The following TTC29 variants were observed in gnomAD, a reference collection of about 807,000 sequenced individuals.
TTC29 encodes tetratricopeptide repeat protein 29.
In TTC29, 49 loss-of-function variants were observed where a neutral mutation model predicts 58.1. That is an observed-to-expected ratio of 0.84 (90% CI 0.67 to 1.07). TTC29 has a LOEUF of 1.07. TTC29 is among the 50% of genes least tolerant of loss of function. The pLI is 0.00. For synonymous variants in TTC29, 209 were observed against 196.8 expected, an observed-to-expected ratio of 1.06 and a Z score of -0.52; for missense variants, 582 against 555.6, an observed-to-expected ratio of 1.05 and a Z score of -0.48.
chr4:146,791,525 C>T (rs1749448826), intron 11 of TTC29, among the ~76,000 whole-genome samples: 1 of 152,144 alleles, frequency 6.6e-6, no homozygotes, highest in Admixed American at 6.6e-5. Flanking sequence ...ATTCCCCTGT[C>T]TCTCCCCCTC....
chr4:146,763,261 T>C (rs17021910), intron 11 of TTC29, among the ~76,000 whole-genome samples: 59,865 of 151,896 alleles, frequency 0.39, 12,485 homozygotes, highest in African/African-American at 0.5. Flanking sequence ...AAGAGATAAG[T>C]CTTTTCATTA....
intron 11 of TTC29, among the ~76,000 whole-genome samples, chr4:146,764,750 T>C (rs1462852584): frequency 6.6e-6 from 1 of 152,112 alleles, no homozygotes; most frequent in Non-Finnish European, 1.5e-5. Flanking sequence ...TTTAACAATG[T>C]TGAGTAAAGC....
At position 146,878,624 on chromosome 4, in the gene TTC29, G is replaced by A. The variant is rs375959912; in HGVS notation, c.587-3696C>T. Among the ~76,000 whole-genome samples the A allele has an allele frequency of 7.2e-5, 11 of 152,184 alleles. No individual in the cohort carries two copies. The South Asian group carries it at 1.7e-3, about 23-fold the overall frequency. On this transcript the variant is annotated intron_variant, in intron 6 of 12. Coordinates refer to ENST00000325106, the MANE Select transcript of TTC29 (RefSeq NM_031956.4). ...CACATCAGATACTAGTCAACAGATC[G>A]AGAGCCAGGAAACTTAGGTGGAGTG...
At chr4:146,813,750 G>A (rs183747073) in intron 10 of TTC29, among the ~76,000 whole-genome samples, 50 of 152,276 alleles carry the variant, frequency 3.3e-4, no homozygotes, top group Non-Finnish European at 5.1e-4. Flanking sequence ...TTGGGAGGCC[G>A]AGGAGGGAGG....
At chr4:146,820,729 A>G (rs887877041) in intron 9 of TTC29, among the ~76,000 whole-genome samples, 2 of 152,218 alleles carry the variant, frequency 1.3e-5, no homozygotes, top group African/African-American at 4.8e-5. Context: ...AATATTATTC[A>G]GTCTTAAAAA....
intron 6 of TTC29, among the ~76,000 whole-genome samples, chr4:146,893,865 T>C (rs1316371185): frequency 5.3e-5 from 8 of 151,944 alleles, no homozygotes; most frequent in African/African-American, 1.5e-4. Context: ...AAAAAGTGGG[T>C]GAAGGATATG....
At chr4:146,724,527 T>A (rs538097827) in intron 11 of TTC29, among the ~76,000 whole-genome samples, 3 of 152,202 alleles carry the variant, frequency 2.0e-5, no homozygotes, top group African/African-American at 4.8e-5. Context: ...TCAACTTCTT[T>A]TTTTTTTATT....
chr4:146,838,487 C>A (rs76431563), intron 8 of TTC29, among the ~76,000 whole-genome samples: 9,870 of 151,820 alleles, frequency 0.065, 421 homozygotes, highest in Admixed American at 0.13. Context: ...AATTTATAAG[C>A]ATAAATTTTG....
intron 11 of TTC29, among the ~76,000 whole-genome samples, chr4:146,777,862 G>A (rs1363762529): frequency 1.3e-5 from 2 of 152,206 alleles, no homozygotes; most frequent in African/African-American, 4.8e-5. Flanking sequence ...GTCTCCCAGG[G>A]TTTTGCCTTG....
intron 6 of TTC29, among the ~76,000 whole-genome samples, chr4:146,902,939 C>T (rs990980576): frequency 1.3e-5 from 2 of 151,964 alleles, no homozygotes; most frequent in Non-Finnish European, 2.9e-5. Context: ...TTTCATCTTT[C>T]CCTATATTTT....
intron 6 of TTC29, among the ~76,000 whole-genome samples, chr4:146,900,840 T>C (rs1399488653): frequency 6.6e-6 from 1 of 152,044 alleles, no homozygotes; most frequent in African/African-American, 2.4e-5. Context: ...TTATGTTATG[T>C]TTTTCACCAC....
chr4:146,884,350 GT>G (rs1399769294), intron 6 of TTC29, among the ~76,000 whole-genome samples: 1 of 152,064 alleles, frequency 6.6e-6, no homozygotes, highest in Admixed American at 6.6e-5. Context: ...GAAAAATGAA[GT>G]GTGCATATAG....
chr4:146,867,449 T>C, intron 8 of TTC29, 49 bp downstream of exon 8: 1 of 913,336 alleles, frequency 1.1e-6, no homozygotes, highest in Non-Finnish European at 1.6e-6. Context: ...ATAAAATAAA[T>C]ATACTAAAAT....
chr4:146,811,143 T>A (rs963454129), intron 10 of TTC29, among the ~76,000 whole-genome samples: 2 of 152,204 alleles, frequency 1.3e-5, no homozygotes, highest in South Asian at 4.1e-4. Flanking sequence ...TTTGTTGTTG[T>A]TGTTGTTTGT....
chr4:146,716,364 C>A (rs1342613597), intron 11 of TTC29, among the ~76,000 whole-genome samples: 1 of 151,974 alleles, frequency 6.6e-6, no homozygotes, highest in Non-Finnish European at 1.5e-5. Context: ...GCTCTGTATT[C>A]ATGTTCTTTT....
chr4:146,789,452 G>A (rs1375860236), intron 11 of TTC29, among the ~76,000 whole-genome samples: 4 of 152,096 alleles, frequency 2.6e-5, no homozygotes, highest in East Asian at 1.9e-4. Context: ...TCATCATTTC[G>A]ATGCAAGTGG....
chr4:146,902,943 A>G (rs1459383982), intron 6 of TTC29, among the ~76,000 whole-genome samples: 1 of 152,064 alleles, frequency 6.6e-6, no homozygotes, highest in Non-Finnish European at 1.5e-5. Context: ...ATCTTTCCCT[A>G]TATTTTCTTT....
At chr4:146,727,766 T>A (rs952671816) in intron 11 of TTC29, among the ~76,000 whole-genome samples, 2 of 152,210 alleles carry the variant, frequency 1.3e-5, no homozygotes, top group African/African-American at 2.4e-5. Context: ...TTTGGTTGCT[T>A]CCAAGTTTTG....
intron 11 of TTC29, among the ~76,000 whole-genome samples, chr4:146,713,744 G>A (rs1048123703): frequency 1.9e-4 from 29 of 151,782 alleles, no homozygotes; most frequent in Non-Finnish European, 1.5e-5. Flanking sequence ...AAAAGTATAG[G>A]GTTTTTTTTA....
Sources: gnomAD v4.1 joint callset for allele counts (sites outside exome capture counted in the v4.1 genomes callset) on GRCh38, gnomAD v4.1.1 for gene constraint, MANE v1.5 for transcripts, NCBI Gene and HGNC (gene_info 2026-07-23, HGNC 2026-07-21) for gene names.